The following CSMD1 variants were observed in gnomAD, a reference collection of about 807,000 sequenced individuals.
CSMD1 encodes CUB and sushi domain-containing protein 1.
In CSMD1, 213 loss-of-function variants were observed where a neutral mutation model predicts 417.5. The ratio of observed to expected loss-of-function variants is 0.51; its 90% confidence interval spans 0.46 to 0.57. The LOEUF (loss-of-function observed/expected upper bound fraction) is 0.57, where lower values mean the gene tolerates loss of function less well. Ranked by LOEUF, CSMD1 falls within the 20% of genes least tolerant of loss-of-function variation. The pLI is 0.00. For synonymous variants in CSMD1, 2,862 were observed against 1,736.8 expected (o/e 1.65, Z -16.11); for missense variants, 6,923 against 4,529.7 (o/e 1.53, Z -15.17).
chr8:4,933,499 G>A (rs1226221424), intron 1 of CSMD1, among the ~76,000 whole-genome samples: 1 of 152,164 alleles, frequency 6.6e-6, no homozygotes, highest in Non-Finnish European at 1.5e-5. Context: ...GTAAGTAAAT[G>A]CCAGCAGTTG....
chr8:4,006,821 C>A (rs993909052), intron 4 of CSMD1, among the ~76,000 whole-genome samples: 1 of 90,094 alleles, frequency 1.1e-5, no homozygotes, highest in Admixed American at 1.3e-4. Flanking sequence ...AGGACTTTTC[C>A]TATTTTTTTT....
intron 2 of CSMD1, among the ~76,000 whole-genome samples, chr8:4,467,030 A>G (rs1008443556): frequency 2.0e-5 from 3 of 151,950 alleles, no homozygotes; most frequent in Non-Finnish European, 2.9e-5. Flanking sequence ...AAAGGCAACA[A>G]AAGTCTGTTT....
chr8:3,785,690 A>G (rs1799419991), intron 5 of CSMD1, among the ~76,000 whole-genome samples: 1 of 152,138 alleles, frequency 6.6e-6, no homozygotes, highest in Non-Finnish European at 1.5e-5. Context: ...GGCTGTGTGC[A>G]TGGAGGAGCC....
chr8:4,513,371 C>G (rs919752537), intron 2 of CSMD1, among the ~76,000 whole-genome samples: 30 of 152,040 alleles, frequency 2.0e-4, no homozygotes, highest in African/African-American at 7.0e-4. Flanking sequence ...TATAGCGATG[C>G]TAATTTAAAG....
chr8:4,987,870 G>C (rs184787015), intron 1 of CSMD1, among the ~76,000 whole-genome samples: 49 of 152,254 alleles, frequency 3.2e-4, no homozygotes, highest in African/African-American at 1.1e-3. Flanking sequence ...GGACTCTAAG[G>C]TGTTCACCTA....
chr8:3,862,549 T>C (rs959298666), intron 5 of CSMD1, among the ~76,000 whole-genome samples: 1 of 152,224 alleles, frequency 6.6e-6, no homozygotes, highest in African/African-American at 2.4e-5. Flanking sequence ...TTCTTTGAGA[T>C]TTTCAGCACC....
chr8:3,500,320 G>A (rs978021751), intron 10 of CSMD1, among the ~76,000 whole-genome samples: 1 of 151,560 alleles, frequency 6.6e-6, no homozygotes, highest in Non-Finnish European at 1.5e-5. Context: ...TGTCTGCTAA[G>A]CTTTGCATGA....
chr8:2,954,411 AAACT>A lies in CSMD1; in HGVS notation c.9995-147_9995-144del. ...TGAATACCTTATACATATACATTTT[AAACT>A]CATGTCTTTACAGCAGAATATTCTT... is the stretch of plus-strand genomic sequence containing the variant. On this transcript the variant is annotated intron_variant, in intron 64 of 69. Coordinates refer to ENST00000635120, the MANE Select transcript of CSMD1 (RefSeq NM_033225.6). 3 of 534,376 alleles carry A rather than the reference AAACT, an allele frequency of 5.6e-6. No individual in the cohort carries two copies. In the South Asian group the frequency reaches 7.3e-5, roughly 13 times the overall value. The allele number at this position is 534,376 out of a possible 1,614,324, so 33.1% of individuals were successfully genotyped here.
intron 3 of CSMD1, among the ~76,000 whole-genome samples, chr8:4,061,147 A>G (rs1289520310): frequency 6.6e-6 from 1 of 152,158 alleles, no homozygotes; most frequent in Non-Finnish European, 1.5e-5. Context: ...TCTCATCCCC[A>G]TCCTTGCCCC....
At chr8:3,013,383 C>T (rs1808561842) in intron 52 of CSMD1, among the ~76,000 whole-genome samples, 1 of 152,194 alleles carries the variant, frequency 6.6e-6, no homozygotes, top group South Asian at 2.1e-4. Context: ...TTCCATCTTT[C>T]ACCTGATAGC....
At chr8:4,290,757 G>A (rs971030605) in intron 3 of CSMD1, among the ~76,000 whole-genome samples, 1 of 152,086 alleles carries the variant, frequency 6.6e-6, no homozygotes, top group African/African-American at 2.4e-5. Context: ...TTTCATTTAG[G>A]ATTTCTATTC....
chr8:4,554,758 T>A (rs1438264780), intron 2 of CSMD1, among the ~76,000 whole-genome samples: 1 of 152,238 alleles, frequency 6.6e-6, no homozygotes, highest in Non-Finnish European at 1.5e-5. Flanking sequence ...TATTGAGTGC[T>A]AGTCATTGGC....
At chr8:3,304,053 A>C (rs1804621198) in intron 25 of CSMD1, among the ~76,000 whole-genome samples, 1 of 152,206 alleles carries the variant, frequency 6.6e-6, no homozygotes, top group Non-Finnish European at 1.5e-5. Context: ...GTAGCTCTGC[A>C]ATAATTGGCC....
At chr8:4,770,290 G>A (rs772007745) in intron 1 of CSMD1, among the ~76,000 whole-genome samples, 2 of 146,788 alleles carry the variant, frequency 1.4e-5, no homozygotes, top group Non-Finnish European at 3.0e-5. Context: ...ATGTGTATGG[G>A]AATATATATT....
chr8:3,758,495 A>T (rs1365894680), intron 5 of CSMD1, among the ~76,000 whole-genome samples: 2 of 152,160 alleles, frequency 1.3e-5, no homozygotes, highest in African/African-American at 4.8e-5. Context: ...TTGTTATTCT[A>T]TCGCTGTCTA....
intron 10 of CSMD1, among the ~76,000 whole-genome samples, chr8:3,527,986 C>A (rs1317453299): frequency 6.6e-6 from 1 of 152,116 alleles, no homozygotes; most frequent in Admixed American, 6.5e-5. Context: ...ACACGCCAGT[C>A]GTACTTCTCC....
At chr8:4,462,602 C>T (rs190621536) in intron 2 of CSMD1, among the ~76,000 whole-genome samples, 2 of 152,158 alleles carry the variant, frequency 1.3e-5, no homozygotes, top group African/African-American at 4.8e-5. Flanking sequence ...TCTAGGAAAC[C>T]GCATTGATCA....
chr8:3,483,329 A>T (rs1405768844), intron 11 of CSMD1, among the ~76,000 whole-genome samples: 1 of 152,084 alleles, frequency 6.6e-6, no homozygotes, highest in Non-Finnish European at 1.5e-5. Flanking sequence ...AGCCATCACA[A>T]AGATAATAAG....
chr8:2,996,553 T>C (rs1325457394), intron 54 of CSMD1, among the ~76,000 whole-genome samples: 1 of 152,138 alleles, frequency 6.6e-6, no homozygotes, highest in African/African-American at 2.4e-5. Context: ...CCGTATGGAG[T>C]CCTGCGGCCT....
Sources: allele counts gnomAD v4.1 joint callset (sites outside exome capture counted in the v4.1 genomes callset), GRCh38; gene constraint gnomAD v4.1.1; transcripts MANE v1.5; gene names NCBI Gene and HGNC (gene_info 2026-07-23, HGNC 2026-07-21).